Variants in IQSEC3 observed in about 807,000 individuals in gnomAD.
IQSEC3 encodes IQ motif and SEC7 domain-containing protein 3.
In IQSEC3, 50 loss-of-function variants were observed where a neutral mutation model predicts 105.4. That is an observed-to-expected ratio of 0.47 (90% CI 0.38 to 0.60). The LOEUF is 0.60. IQSEC3 is among the 20% of genes least tolerant of loss of function. The pLI, the probability that IQSEC3 is intolerant of heterozygous loss-of-function variation, is 0.00. For synonymous variants in IQSEC3, 708 were observed against 746.0 expected (o/e 0.95, Z 0.83); for missense variants, 1,415 against 1,630.0 (o/e 0.87, Z 2.27).
intron 3 of IQSEC3, among the ~76,000 whole-genome samples, chr12:132,829 T>A (rs772252010): frequency 3.9e-5 from 6 of 152,176 alleles, no homozygotes; most frequent in Non-Finnish European, 8.8e-5. Flanking sequence ...TATGGAGGCT[T>A]GAGAGTCATT....
intron 13 of IQSEC3, among the ~76,000 whole-genome samples, chr12:172,875 A>G (rs2137074057): frequency 6.6e-6 from 1 of 152,236 alleles, no homozygotes; most frequent in East Asian, 1.9e-4. Flanking sequence ...CAGTGGGGGG[A>G]CCAGAGCAGG....
rs373761797 is a variant in IQSEC3, at chr12:165,907, C to G, written c.2971+17C>G. On this transcript the variant is annotated intron_variant, in intron 11 of 13. Transcript: ENST00000538872. ...GAATAGAGTGTAAGGACACGGGCTC[C>G]CGAGGCAGCTGGTGGGGGTTCCCAT... 1.2e-6 allele frequency: 2 copies of G among 1,607,634 alleles called. No individual in the cohort carries two copies. Among genetic ancestry groups the G allele is most frequent in the Non-Finnish European group, 8.5e-7 (1 of 1,175,160 alleles).
At chr12:124,239 A>T (rs907993349) in intron 2 of IQSEC3, among the ~76,000 whole-genome samples, 1 of 152,116 alleles carries the variant, frequency 6.6e-6, no homozygotes, top group East Asian at 1.9e-4. Flanking sequence ...ATACAAAAAA[A>T]TTAGCTGGGC....
At chr12:74,219 G>A (rs1204158325) in intron 1 of IQSEC3, among the ~76,000 whole-genome samples, 1 of 152,386 alleles carries the variant, frequency 6.6e-6, no homozygotes, top group African/African-American at 2.4e-5. Flanking sequence ...TCCTTCCTAG[G>A]GATGGAAGGT....
chr12:115,543 G>A (rs1307733950), intron 2 of IQSEC3, among the ~76,000 whole-genome samples: 1 of 152,302 alleles, frequency 6.6e-6, no homozygotes, highest in African/African-American at 2.4e-5. Flanking sequence ...TCATGAACCG[G>A]AAGCTGGGGA....
intron 1 of IQSEC3, among the ~76,000 whole-genome samples, chr12:84,870 T>C (rs1326054577): frequency 6.6e-6 from 1 of 152,082 alleles, no homozygotes; most frequent in Admixed American, 6.5e-5. Flanking sequence ...AAGGGCAAGA[T>C]CAAGGCTCTT....
intron 9 of IQSEC3, chr12:164,843 T>C (rs563386289): frequency 1.3e-5 from 2 of 152,240 alleles, no homozygotes; most frequent in African/African-American, 4.8e-5. Flanking sequence ...TAGAAAATAA[T>C]TAAGAAACAG....
At chr12:141,876 C>G (rs1420504730) in intron 5 of IQSEC3, 1 of 152,364 alleles carries the variant, frequency 6.6e-6, no homozygotes, top group Non-Finnish European at 1.5e-5. Flanking sequence ...GGTGGGGACC[C>G]CCAGGGGGCT....
intron 2 of IQSEC3, 141 bp downstream of exon 2, chr12:99,355 C>G: frequency 1.3e-6 from 1 of 769,010 alleles, no homozygotes; most frequent in Non-Finnish European, 2.1e-6. Flanking sequence ...CCTCCTTCCT[C>G]AGACTTCAGT....
chr12:140,800 G>A (rs1865987095), intron 4 of IQSEC3: 2 of 290,764 alleles, frequency 6.9e-6, no homozygotes, highest in African/African-American at 2.2e-5. Flanking sequence ...TCTGCGGTGG[G>A]GACCTGCATA....
intron 5 of IQSEC3, among the ~76,000 whole-genome samples, chr12:145,935 G>T (rs1406255927): frequency 3.3e-5 from 5 of 152,200 alleles, no homozygotes; most frequent in Admixed American, 6.5e-5. Context: ...TGAAATGCAG[G>T]AAGGCAGCTT....
In IQSEC3 at chr12:174,975, C is replaced by T; in HGVS notation, c.3491C>T (p.Pro1164Leu). Residue 1164 changes from proline to leucine, a missense_variant, in exon 14 of 14, where the codon CCC (proline) becomes CTC (leucine). Physicochemically the swap from Pro to Leu is moderately conservative, Grantham distance 98. Around this residue, in one of 6 missense-constraint regions of IQSEC3, gnomAD observed 419 missense variants for 436.2 expected, o/e 0.96. Coordinates refer to ENST00000538872, the MANE Select transcript of IQSEC3 (RefSeq NM_001170738.2). Reference protein sequence around the residue: ...PPYNHPHQFCPPGSLLHGHRY... With the variant: ...PPYNHPHQFCLPGSLLHGHRY... ...TACAACCACCCTCACCAGTTCTGTC[C>T]CCCAGGCTCCCTGCTGCACGGGCAC... 3.2e-6 allele frequency: 5 copies of T among 1,575,590 alleles called. No homozygotes were observed. The highest frequency in any genetic ancestry group is 4.3e-6 in the Non-Finnish European group (5 of 1,170,380).
Position 138,831 on chromosome 12 carries a change from G to A in IQSEC3, c.1468G>A (p.Val490Met). Residue 490 changes from valine to methionine, a missense_variant, in exon 4 of 14, where the codon GTG becomes ATG. Physicochemically the swap from Val to Met is conservative, Grantham distance 21. Around this residue, in one of 6 missense-constraint regions of IQSEC3, gnomAD observed 720 missense variants for 633.0 expected, o/e 1.14. Transcript: ENST00000538872. The surrounding 1 kb of genome is among the most constrained non-coding windows in gnomAD (Gnocchi z 7.1). ...CATGATGGCTTTCCGGGACGTCACGGTGCAGATCGCCAACCAGAACATATC... is the reference window on the plus strand; with the variant it reads ...CATGATGGCTTTCCGGGACGTCACGATGCAGATCGCCAACCAGAACATATC... The part of the protein sequence containing the change: ...TLMMAFRDVT[V>M]QIANQNISVS... The A allele has an allele frequency of 6.2e-7, 1 of 1,611,900 alleles. No homozygotes were observed. The highest frequency in any genetic ancestry group is 8.5e-7 in the Non-Finnish European group (1 of 1,179,390).
At chr12:139,515 C>T (rs1805309745) in intron 4 of IQSEC3, 161 bp downstream of exon 4, 1 of 513,528 alleles carries the variant, frequency 1.9e-6, no homozygotes, top group African/African-American at 1.9e-5. Context: ...TCCCTGAGGT[C>T]ATGTTTAGGA....
rs201800472 is a variant in IQSEC3, at chr12:139,693, A to G, written c.1991+339A>G. 1.1e-4 allele frequency: 25 copies of G among 221,750 alleles called. No individual in the cohort carries two copies. The East Asian group carries it at 2.2e-3, about 20-fold the overall frequency. The allele number at this position is 221,750 out of a possible 1,614,324, so 13.7% of individuals were successfully genotyped here. On this transcript the variant is annotated intron_variant, in intron 4 of 13. Transcript: ENST00000538872. ...GACAGTATTAAGTAAATAACAGTCC[A>G]GGCCGTTTGAGGATTACGCAGCAAT...
rs143472542 is a variant in IQSEC3 at position 95,039 on chromosome 12, G to A, written c.555-4107G>A. On this transcript the variant is annotated intron_variant, in intron 1 of 13. Coordinates refer to ENST00000538872, the MANE Select transcript of IQSEC3 (RefSeq NM_001170738.2). ...TCTGGGCTCTTGCCTTCTTGCTCCTGCTCCATCTCCTCATTCCATTTTCCC... is the reference window on the plus strand; with the variant it reads ...TCTGGGCTCTTGCCTTCTTGCTCCTACTCCATCTCCTCATTCCATTTTCCC... Among the ~76,000 whole-genome samples, 1,495 of 152,256 alleles carry A rather than the reference G, an allele frequency of 9.8e-3. 22 individuals are homozygous for A. The highest frequency in any genetic ancestry group is 0.034 in the African/African-American group (1,419 of 41,538).
intron 5 of IQSEC3, among the ~76,000 whole-genome samples, chr12:154,601 A>AT (rs1555093613): frequency 6.6e-6 from 1 of 152,186 alleles, no homozygotes; most frequent in East Asian, 1.9e-4. Context: ...TCTTGGCCTC[A>AT]TAAGAGTCAG....
At chr12:80,994 TTGGGGCA>T (rs1555070597) in intron 1 of IQSEC3, among the ~76,000 whole-genome samples, 1 of 152,138 alleles carries the variant, frequency 6.6e-6, no homozygotes, top group African/African-American at 2.4e-5. Flanking sequence ...AGAGAGATTG[TTGGGGCA>T]TGGGAGGGTA....
intron 3 of IQSEC3, among the ~76,000 whole-genome samples, chr12:136,203 G>C (rs368773715): frequency 6.6e-6 from 1 of 152,302 alleles, no homozygotes; most frequent in Non-Finnish European, 1.5e-5. Flanking sequence ...GAGTTCCAAC[G>C]ATCTCCAAGG....
Sources: allele counts gnomAD v4.1 joint callset (sites outside exome capture counted in the v4.1 genomes callset), GRCh38; gene constraint gnomAD v4.1.1; regional missense constraint gnomAD v4.1.1; non-coding constraint Gnocchi (gnomAD v3.1); transcripts MANE v1.5; gene names NCBI Gene and HGNC (gene_info 2026-07-23, HGNC 2026-07-21).